HYDIN: variants seen among roughly 807,000 people sequenced by gnomAD.
HYDIN encodes axonemal central pair apparatus protein HYDIN.
In HYDIN, 132 loss-of-function variants were observed where a neutral mutation model predicts 403.9. That is an observed-to-expected ratio of 0.33 (90% CI 0.28 to 0.38). HYDIN has a LOEUF of 0.38. HYDIN is among the 10% of genes least tolerant of loss of function. HYDIN has a pLI of 1.00. For missense variants in HYDIN, 2,827 were observed against 5,009.5 expected, an observed-to-expected ratio of 0.56 and a Z score of 13.15; for synonymous variants, 1,202 against 1,891.7, an observed-to-expected ratio of 0.64 and a Z score of 9.46.
intron 3 of HYDIN, among the ~76,000 whole-genome samples, chr16:71,179,692 C>T (rs1214904537): frequency 6.6e-6 from 1 of 152,210 alleles, no homozygotes; most frequent in East Asian, 1.9e-4. Context: ...ATTTCCTGTT[C>T]TATTTTGATT....
intron 18 of HYDIN, among the ~76,000 whole-genome samples, chr16:71,050,238 T>TA (rs1349014232): frequency 1.3e-5 from 2 of 150,728 alleles, no homozygotes; most frequent in Non-Finnish European, 3.0e-5. Flanking sequence ...AAGTTACTTA[T>TA]AAAGGAACAA....
At chr16:70,872,793 A>G (rs1243708313) in intron 64 of HYDIN, among the ~76,000 whole-genome samples, 1 of 137,778 alleles carries the variant, frequency 7.3e-6, no homozygotes, top group Non-Finnish European at 1.5e-5. Flanking sequence ...TCATCCACCC[A>G]TCCATCATCC....
intron 28 of HYDIN, among the ~76,000 whole-genome samples, chr16:70,983,887 A>ATGTATAATGTAT (rs1289674107): frequency 6.6e-6 from 1 of 152,038 alleles, no homozygotes; most frequent in Non-Finnish European, 1.5e-5. Flanking sequence ...AGTAAATATT[A>ATGTATAATGTAT]ACATGTATAA....
chr16:71,169,142 T>C (rs1597934641), intron 5 of HYDIN, among the ~76,000 whole-genome samples: 1 of 152,116 alleles, frequency 6.6e-6, no homozygotes, highest in Non-Finnish European at 1.5e-5. Flanking sequence ...AAAGAAAATG[T>C]AGGCTGGGCA....
chr16:71,061,470 G>A (rs1396930290), intron 17 of HYDIN, among the ~76,000 whole-genome samples: 2 of 152,254 alleles, frequency 1.3e-5, no homozygotes, highest in Admixed American at 1.3e-4. Context: ...GAGCCTGTTG[G>A]GCAACCTCCT....
chr16:70,945,699 G>C (rs1240387672), intron 41 of HYDIN, among the ~76,000 whole-genome samples: 1 of 152,168 alleles, frequency 6.6e-6, no homozygotes, highest in South Asian at 2.1e-4. Flanking sequence ...GGAGGAGTGT[G>C]GTGTCTGAAA....
chr16:71,085,051 T>C (rs970651757), intron 12 of HYDIN, among the ~76,000 whole-genome samples: 20 of 101,652 alleles, frequency 2.0e-4, no homozygotes, highest in Admixed American at 5.9e-4. Flanking sequence ...GGTTATGGGT[T>C]TTTAGCTTTC....
chr16:71,177,212 T>G (rs1037441867), intron 4 of HYDIN, among the ~76,000 whole-genome samples: 1 of 152,228 alleles, frequency 6.6e-6, no homozygotes, highest in Non-Finnish European at 1.5e-5. Context: ...GACTTGCTAT[T>G]AAACAACCAC....
chr16:71,196,841 C>T (rs2087721163), intron 1 of HYDIN, among the ~76,000 whole-genome samples: 1 of 152,148 alleles, frequency 6.6e-6, no homozygotes, highest in Non-Finnish European at 1.5e-5. Flanking sequence ...TTACAAATGC[C>T]ATGTCAATGT....
intron 9 of HYDIN, among the ~76,000 whole-genome samples, chr16:71,120,182 A>T (rs2144485468): frequency 1.3e-5 from 2 of 150,916 alleles, no homozygotes; most frequent in East Asian, 3.9e-4. Context: ...GTAAGTGACT[A>T]TGACCTTCTT....
At chr16:71,227,599 C>A (rs988768939) in intron 1 of HYDIN, among the ~76,000 whole-genome samples, 6 of 152,034 alleles carry the variant, frequency 3.9e-5, no homozygotes, top group East Asian at 1.9e-4. Flanking sequence ...TAGGAATCCA[C>A]CTTACAAGGG....
At chr16:70,969,141 T>C (rs1332491104) in intron 36 of HYDIN, among the ~76,000 whole-genome samples, 1 of 151,840 alleles carries the variant, frequency 6.6e-6, no homozygotes, top group Non-Finnish European at 1.5e-5. Flanking sequence ...CAAAGAACTG[T>C]AAAACTGTAA....
At chr16:71,204,005 C>T in intron 1 of HYDIN, 1 of 310,066 alleles carries the variant, frequency 3.2e-6, no homozygotes, top group Non-Finnish European at 6.3e-6. Flanking sequence ...GCAGAGGTTG[C>T]AGTGAGCTGG....
In HYDIN at chr16:70,957,296, C is replaced by T. The variant is rs371997289; in HGVS notation, c.6143-1748G>A. Among the ~76,000 whole-genome samples the T allele has an allele frequency of 8.7e-4, 131 of 150,840 alleles. 2 individuals are homozygous for T. In the East Asian group the frequency reaches 0.021, roughly 24 times the overall value. ...TTGCATAAGGTCCTCAAGGTTCTTCCGTGTTGTAGCATGTGTCAGAATTTC... is the reference window on the plus strand; with the variant it reads ...TTGCATAAGGTCCTCAAGGTTCTTCTGTGTTGTAGCATGTGTCAGAATTTC... On this transcript the variant is annotated intron_variant, in intron 39 of 85. Coordinates refer to ENST00000393567, the MANE Select transcript of HYDIN (RefSeq NM_001270974.2).
chr16:71,004,713 G>A (rs1347793938), intron 23 of HYDIN, among the ~76,000 whole-genome samples: 1 of 151,976 alleles, frequency 6.6e-6, no homozygotes, highest in Admixed American at 6.5e-5. Context: ...AATGGGTTTT[G>A]GTATAAAAAT....
At chr16:70,902,821 A>T (rs200510556) in intron 52 of HYDIN, among the ~76,000 whole-genome samples, 130 of 47,268 alleles carry the variant, frequency 2.8e-3, no homozygotes, top group African/African-American at 7.2e-3. Flanking sequence ...ATATATATAT[A>T]TTTTTTTTTT....
At chr16:71,056,403 T>C (rs935802221) in intron 18 of HYDIN, among the ~76,000 whole-genome samples, 19 of 149,120 alleles carry the variant, frequency 1.3e-4, no homozygotes, top group African/African-American at 3.9e-4. Context: ...CCAGGTGTTT[T>C]TAAAAATCAT....
chr16:71,195,410 G>A (rs1040680646), intron 1 of HYDIN, among the ~76,000 whole-genome samples: 3 of 152,138 alleles, frequency 2.0e-5, no homozygotes, highest in Non-Finnish European at 4.4e-5. Context: ...ACTCTGGAAT[G>A]TTGATAAATA....
chr16:70,882,912 AGACCATGAGATGCTGCCTG>A lies in HYDIN; in HGVS notation c.9980-36_9980-18del. ...TCACGAAGGCTGGGGAGTGAAGGGG[AGACCATGAGATGCTGCCTG>A]ATTGCTGGATTCCCACTCTGTGATT... On this transcript the variant is annotated intron_variant, in intron 59 of 85. Transcript: ENST00000393567. 1 of 1,574,094 alleles carries A rather than the reference AGACCATGAGATGCTGCCTG, an allele frequency of 6.4e-7. No individual in the cohort carries two copies. Among genetic ancestry groups the A allele is most frequent in the Non-Finnish European group, 8.7e-7 (1 of 1,143,624 alleles).
Sources: allele counts gnomAD v4.1 joint callset (sites outside exome capture counted in the v4.1 genomes callset), GRCh38; gene constraint gnomAD v4.1.1; transcripts MANE v1.5; gene names NCBI Gene and HGNC (gene_info 2026-07-23, HGNC 2026-07-21).